KCNK9: variants seen among roughly 807,000 people sequenced by gnomAD.
KCNK9 encodes the protein potassium two pore domain channel subfamily K member 9.
KCNK9 carries 1 observed loss-of-function variant against 10.8 expected under a neutral mutation model. The observed-to-expected ratio is 0.09, with a 90% CI of 0.03 to 0.44. The LOEUF is 0.44. Among genes scored for constraint, KCNK9 ranks in the 20% least tolerant of loss-of-function variants. The probability of loss-of-function intolerance (pLI) is 0.97; values close to 1 mark genes in which losing one functional copy is unlikely to be tolerated. For synonymous variants in KCNK9, 231 were observed against 222.7 expected (o/e 1.04, Z -0.33); for missense variants, 303 against 515.0 (o/e 0.59, Z 3.98).
chr8:139,632,818 C>T (rs944537588), intron 1 of KCNK9, among the ~76,000 whole-genome samples: 1 of 152,130 alleles, frequency 6.6e-6, no homozygotes, highest in East Asian at 1.9e-4. Flanking sequence ...GAAAAAGTAA[C>T]CCGTGATGCA....
At chr8:139,630,664 G>A (rs1815137312) in intron 1 of KCNK9, among the ~76,000 whole-genome samples, 3 of 152,196 alleles carry the variant, frequency 2.0e-5, no homozygotes, top group African/African-American at 7.2e-5. Context: ...GGGGACTTGG[G>A]CCTGCCCAGA....
intron 1 of KCNK9, among the ~76,000 whole-genome samples, chr8:139,672,793 G>T (rs190713215): frequency 2.2e-4 from 34 of 152,304 alleles, no homozygotes; most frequent in Non-Finnish European, 4.6e-4. Context: ...GTGTTTGGGG[G>T]TCACTTACAT....
rs113908116 is a variant in KCNK9 at position 139,632,196 on chromosome 8, A to G, written c.284-13097T>C. Among the ~76,000 whole-genome samples, 1,159 of 152,332 alleles carry G rather than the reference A, an allele frequency of 7.6e-3. 21 individuals are homozygous for G. The highest frequency in any genetic ancestry group is 0.027 in the African/African-American group (1,114 of 41,578). ...AGGGGGCTGGGGCCTCTGCATTTCTAGCAAGTGCCTCATTGACACGAGTCA... is the reference window on the plus strand; with the variant it reads ...AGGGGGCTGGGGCCTCTGCATTTCTGGCAAGTGCCTCATTGACACGAGTCA... On this transcript the variant is annotated intron_variant, in intron 1 of 1. Transcript: ENST00000520439.
Position 139,619,618 on chromosome 8 carries a change from C to A in KCNK9, c.284-519G>T, listed in dbSNP as rs893549613. Among the ~76,000 whole-genome samples the A allele has an allele frequency of 2.6e-5, 4 of 152,282 alleles. No individual in the cohort carries two copies. The South Asian group carries it at 8.3e-4, about 32-fold the overall frequency. On this transcript the variant is annotated intron_variant, in intron 1 of 1. Coordinates refer to ENST00000520439, the MANE Select transcript of KCNK9 (RefSeq NM_001282534.2). ...CCAGGCACAGTGCTGAATCCTCTTA[C>A]ATACATCACCTAATTCTAGCCTCTA... is the stretch of plus-strand genomic sequence containing the variant.
Position 139,618,341 on chromosome 8 carries a change from G to C in KCNK9, c.1042C>G (p.Pro348Ala), listed in dbSNP as rs571684167. Residue 348 changes from proline to alanine, a missense_variant, in exon 2 of 2, where the codon CCA (proline) becomes GCA (alanine). Pro to Ala is a conservative substitution (Grantham distance 27, BLOSUM62 -1). This residue lies in a region of KCNK9 where 138 missense variants were observed against 161.1 expected (regional missense o/e 0.86). Coordinates refer to ENST00000520439, the MANE Select transcript of KCNK9 (RefSeq NM_001282534.2). This position sits in a 1 kb window ranked among gnomAD's most constrained non-coding sequence, Gnocchi z 7.9. ...GGAGAGATGGAGCTAATAGGCGATGGGAAGAGGCTGTTTTTTAATGTGCTT... is the reference window on the plus strand; with the variant it reads ...GGAGAGATGGAGCTAATAGGCGATGCGAAGAGGCTGTTTTTTAATGTGCTT... ...SPSTLKNSLF[P>A]SPISSISPGL... 2.8e-5 allele frequency: 46 copies of C among 1,614,166 alleles called. No individual in the cohort carries two copies. The Admixed American group carries it at 6.8e-4, about 24-fold the overall frequency.
intron 1 of KCNK9, among the ~76,000 whole-genome samples, chr8:139,641,188 GTGTGTGC>G (rs1815495078): frequency 6.6e-6 from 1 of 152,190 alleles, no homozygotes; most frequent in Non-Finnish European, 1.5e-5. Flanking sequence ...GGGGGTAGCG[GTGTGTGC>G]TGTGGTGAGA....
At chr8:139,608,341 T>A (rs139830095), downstream of KCNK9, among the ~76,000 whole-genome samples, 1 of 152,282 alleles carries the variant, frequency 6.6e-6, no homozygotes, top group African/African-American at 2.4e-5. Context: ...TTCGGTGGTT[T>A]ATCACAGCAG....
intron 1 of KCNK9, among the ~76,000 whole-genome samples, chr8:139,701,195 C>T (rs919573895): frequency 1.3e-5 from 2 of 152,176 alleles, no homozygotes; most frequent in African/African-American, 4.8e-5. Context: ...AAGCTGGAAA[C>T]ACAGTGTGGG....
chr8:139,621,952 C>T (rs1287192266), intron 1 of KCNK9, among the ~76,000 whole-genome samples: 1 of 152,204 alleles, frequency 6.6e-6, no homozygotes, highest in Non-Finnish European at 1.5e-5. Flanking sequence ...GGGTCAAAAA[C>T]TGCATACCAG....
chr8:139,699,028 G>A (rs754199244), intron 1 of KCNK9, among the ~76,000 whole-genome samples: 20 of 152,116 alleles, frequency 1.3e-4, no homozygotes, highest in Non-Finnish European at 1.6e-4. Context: ...CCTGATGTAC[G>A]GCTTCCGCTC....
intron 1 of KCNK9, among the ~76,000 whole-genome samples, chr8:139,645,184 A>G (rs3780056): frequency 0.04 from 6,088 of 152,266 alleles, 509 homozygotes; most frequent in East Asian, 0.38. Flanking sequence ...ACTGGGAGGC[A>G]TTCTCCAGGT....
chr8:139,630,744 T>A (rs1425573724), intron 1 of KCNK9, among the ~76,000 whole-genome samples: 1 of 152,104 alleles, frequency 6.6e-6, no homozygotes, highest in Non-Finnish European at 1.5e-5. Flanking sequence ...GCACTGCACA[T>A]CGTGTGTCCT....
At chr8:139,602,462 A>AT (rs1817395374) in intron 2 of KCNK9, among the ~76,000 whole-genome samples, 1 of 152,194 alleles carries the variant, frequency 6.6e-6, no homozygotes, top group South Asian at 2.1e-4. Context: ...TGCCTGTTAC[A>AT]TTTTTTTGGA....
intron 1 of KCNK9, among the ~76,000 whole-genome samples, chr8:139,624,812 C>T (rs573350637): frequency 4.1e-4 from 62 of 152,328 alleles, no homozygotes; most frequent in African/African-American, 1.4e-3. Context: ...ATGCCCAACT[C>T]GACAGGGCAG....
At chr8:139,633,824 C>T (rs1292350939) in intron 1 of KCNK9, among the ~76,000 whole-genome samples, 1 of 152,220 alleles carries the variant, frequency 6.6e-6, no homozygotes, top group Non-Finnish European at 1.5e-5. Flanking sequence ...AGGCCTGCTG[C>T]GAGCGTGAAG....
intron 1 of KCNK9, among the ~76,000 whole-genome samples, chr8:139,641,089 G>A (rs967681786): frequency 3.9e-5 from 6 of 152,226 alleles, no homozygotes; most frequent in Non-Finnish European, 1.5e-5. Context: ...GGCACGAGGA[G>A]GTGAGGCAGG....
intron 1 of KCNK9, among the ~76,000 whole-genome samples, chr8:139,624,474 C>A (rs1431043882): frequency 3.9e-5 from 6 of 152,290 alleles, no homozygotes; most frequent in African/African-American, 1.2e-4. Flanking sequence ...CCCGGCTGGC[C>A]CCTGCATCAC....
chr8:139,678,674 C>A (rs1045376677), intron 1 of KCNK9, among the ~76,000 whole-genome samples: 3 of 152,272 alleles, frequency 2.0e-5, no homozygotes, highest in African/African-American at 4.8e-5. Context: ...TCCACAGGTA[C>A]CTTCCTCTTT....
chr8:139,647,791 G>T (rs1321554360), intron 1 of KCNK9, among the ~76,000 whole-genome samples: 1 of 152,124 alleles, frequency 6.6e-6, no homozygotes, highest in East Asian at 1.9e-4. Flanking sequence ...ACCTTAAAAG[G>T]TCTCAGGTCT....
Sources: gnomAD v4.1 joint callset for allele counts (sites outside exome capture counted in the v4.1 genomes callset) on GRCh38, gnomAD v4.1.1 for gene constraint, gnomAD v4.1.1 regional missense constraint, Gnocchi (gnomAD v3.1) non-coding constraint, MANE v1.5 for transcripts, NCBI Gene and HGNC (gene_info 2026-07-23, HGNC 2026-07-21) for gene names.